Variants in SPPL3 observed in about 807,000 individuals in gnomAD.
SPPL3 encodes signal peptide peptidase-like 3.
Under a neutral mutation model 42.4 loss-of-function variants are expected in SPPL3, and 5 were observed. The ratio of observed to expected loss-of-function variants is 0.12; its 90% CI spans 0.06 to 0.25. The LOEUF is 0.25. Among genes scored for constraint, SPPL3 ranks in the 10% least tolerant of loss-of-function variants. The pLI, the probability that SPPL3 is intolerant of heterozygous loss-of-function variation, is 1.00. For synonymous variants in SPPL3, 195 were observed against 181.8 expected, an observed-to-expected ratio of 1.07 and a Z score of -0.58; for missense variants, 235 against 489.0, an observed-to-expected ratio of 0.48 and a Z score of 4.90.
At chr12:120,810,949 C>A in intron 1 of SPPL3, 63 bp from the exon 2 acceptor site, 1 of 1,228,564 alleles carries the variant, frequency 8.1e-7, no homozygotes, top group Non-Finnish European at 1.2e-6. Flanking sequence ...AGCTTACAGT[C>A]TAATGGAGTT....
chr12:120,853,076 T>C (rs1016879414), intron 1 of SPPL3, among the ~76,000 whole-genome samples: 15 of 151,512 alleles, frequency 9.9e-5, no homozygotes, highest in African/African-American at 3.4e-4. Flanking sequence ...TTTGTATTTT[T>C]AGTGGAGACA....
In SPPL3 at chr12:120,852,760, C is replaced by CACA. The variant is rs1555252649; in HGVS notation, c.24-41875_24-41874insTGT. 2.1e-3 allele frequency among the ~76,000 whole-genome samples: 106 copies of CACA among 51,120 alleles called. 5 individuals carry two copies. The highest frequency in any genetic ancestry group is 4.3e-3 in the Admixed American group (20 of 4,616). The allele number at this position is 51,120 out of a possible 152,430, so 33.5% of individuals were successfully genotyped here. On this transcript the variant is annotated intron_variant, in intron 1 of 10. Coordinates refer to ENST00000353487, the MANE Select transcript of SPPL3 (RefSeq NM_139015.5). ...ATATAATATATTTCATATATTATATCTATGTATATTATATATAAAATATAT... is the reference window on the plus strand; with the variant it reads ...ATATAATATATTTCATATATTATATCACATATGTATATTATATATAAAATATAT...
chr12:120,823,175 CA>C (rs1397105791), intron 1 of SPPL3, among the ~76,000 whole-genome samples: 11 of 124,768 alleles, frequency 8.8e-5, no homozygotes, highest in South Asian at 7.3e-4. Flanking sequence ...CATATTCCCA[CA>C]AAGGTGTCTG....
chr12:120,889,655 A>C (rs553945994), intron 1 of SPPL3, among the ~76,000 whole-genome samples: 12 of 152,216 alleles, frequency 7.9e-5, no homozygotes, highest in Admixed American at 7.9e-4. Context: ...CTGTAGATTC[A>C]TAAGTATATT....
intron 1 of SPPL3, among the ~76,000 whole-genome samples, chr12:120,821,323 T>C (rs369305392): frequency 6.6e-6 from 1 of 152,240 alleles, no homozygotes; most frequent in African/African-American, 2.4e-5. Context: ...TTCCAAAGCA[T>C]GCGCTTTTGA....
chr12:120,779,713 G>A (rs796631185), intron 6 of SPPL3, among the ~76,000 whole-genome samples: 8 of 150,634 alleles, frequency 5.3e-5, no homozygotes, highest in South Asian at 2.1e-4. Flanking sequence ...GTGGGCTCAC[G>A]CCTGTAATCC....
intron 1 of SPPL3, among the ~76,000 whole-genome samples, chr12:120,888,695 T>C (rs1873540528): frequency 6.6e-6 from 1 of 152,170 alleles, no homozygotes; most frequent in African/African-American, 2.4e-5. Flanking sequence ...TCTTTTGGGA[T>C]GAAGAAAATG....
chr12:120,797,853 T>C (rs1200184905), intron 2 of SPPL3, among the ~76,000 whole-genome samples: 1 of 152,176 alleles, frequency 6.6e-6, no homozygotes, highest in African/African-American at 2.4e-5. Context: ...CAAAATTTCT[T>C]ACTGGATTTG....
chr12:120,783,166 G>A (rs1439272939), intron 5 of SPPL3, among the ~76,000 whole-genome samples: 1 of 152,066 alleles, frequency 6.6e-6, no homozygotes, highest in Non-Finnish European at 1.5e-5. Flanking sequence ...TAATTCCTGC[G>A]AGCATCAGCT....
At chr12:120,814,129 A>T (rs985562599) in intron 1 of SPPL3, among the ~76,000 whole-genome samples, 2 of 152,254 alleles carry the variant, frequency 1.3e-5, no homozygotes, top group African/African-American at 4.8e-5. Context: ...TGAAGCTGGA[A>T]TGATAGGTAT....
intron 1 of SPPL3, 119 bp downstream of exon 1, chr12:120,903,726 A>ACCCCCCCCCCCCCCC: frequency 5.9e-6 from 3 of 509,668 alleles, no homozygotes; most frequent in Non-Finnish European, 9.1e-6. Flanking sequence ...GTGCACCCCA[A>ACCCCCCCCCCCCCCC]CCCGCGCCCC....
At chr12:120,774,510 C>T (rs1438837411) in intron 6 of SPPL3, among the ~76,000 whole-genome samples, 6 of 152,148 alleles carry the variant, frequency 3.9e-5, no homozygotes, top group Non-Finnish European at 8.8e-5. Context: ...TCTCCATCTG[C>T]GTTAAGCTGA....
At position 120,832,530 on chromosome 12, in the gene SPPL3, A is replaced by G. The variant is rs143735421; in HGVS notation, c.24-21644T>C. Among the ~76,000 whole-genome samples, 893 of 152,236 alleles carry G rather than the reference A, an allele frequency of 5.9e-3. 11 individuals are homozygous for G. Among genetic ancestry groups the G allele is most frequent in the African/African-American group, 0.019 (809 of 41,544 alleles). ...CTACTAAAAATGCAAAAAATTAGCC[A>G]GGTGTAGTGGCGCATGCCTGTAATC... is the stretch of plus-strand genomic sequence containing the variant. On this transcript the variant is annotated intron_variant, in intron 1 of 10. Transcript: ENST00000353487.
intron 1 of SPPL3, among the ~76,000 whole-genome samples, chr12:120,875,323 T>C (rs1277653967): frequency 2.0e-5 from 3 of 152,184 alleles, no homozygotes; most frequent in African/African-American, 7.2e-5. Flanking sequence ...GGTGAAATAG[T>C]ATAACATTAT....
In SPPL3 at chr12:120,814,951, T is replaced by C. The variant is rs77022704; in HGVS notation, c.24-4065A>G. Among the ~76,000 whole-genome samples, 1,026 of 152,332 alleles carry C rather than the reference T, an allele frequency of 6.7e-3. 11 individuals are homozygous for C. Among genetic ancestry groups the C allele is most frequent in the African/African-American group, 0.023 (971 of 41,556 alleles). On this transcript the variant is annotated intron_variant, in intron 1 of 10. Transcript: ENST00000353487. ...AATTTTCTTTTAAACATCAGCATGA[T>C]AGTCCATTGTGTAGATGCCCCACAG...
intron 1 of SPPL3, among the ~76,000 whole-genome samples, chr12:120,844,900 G>A (rs1443374772): frequency 6.6e-6 from 1 of 151,528 alleles, no homozygotes; most frequent in East Asian, 1.9e-4. Context: ...ATATTGCACA[G>A]GAGTAACAGA....
chr12:120,841,444 G>A (rs1301260210), intron 1 of SPPL3, among the ~76,000 whole-genome samples: 2 of 147,780 alleles, frequency 1.4e-5, no homozygotes, highest in African/African-American at 2.4e-5. Context: ...ATATATATAT[G>A]CACAAAACAT....
At position 120,879,995 on chromosome 12, in the gene SPPL3, C is replaced by A. The variant is rs79585645; in HGVS notation, c.23+23850G>T. 3.6e-3 allele frequency among the ~76,000 whole-genome samples: 509 copies of A among 143,308 alleles called. 3 individuals carry two copies. The highest frequency in any genetic ancestry group is 0.018 in the Middle Eastern group (5 of 282). 94.0% of individuals were successfully genotyped at this position (143,308 alleles called of 152,430 possible). On this transcript the variant is annotated intron_variant, in intron 1 of 10. Coordinates refer to ENST00000353487, the MANE Select transcript of SPPL3 (RefSeq NM_139015.5). ...CCTGCTTTTATCTTTTTTTTTTTTTCACTTTTCATTCCTCGGTTTAACAAT... is the reference window on the plus strand; with the variant it reads ...CCTGCTTTTATCTTTTTTTTTTTTTAACTTTTCATTCCTCGGTTTAACAAT...
intron 6 of SPPL3, among the ~76,000 whole-genome samples, chr12:120,774,784 T>C (rs1869251964): frequency 6.6e-6 from 1 of 152,088 alleles, no homozygotes; most frequent in Admixed American, 6.6e-5. Context: ...TTTTCAAGGC[T>C]AAAGTGAAGG....
Sources: allele counts gnomAD v4.1 joint callset (sites outside exome capture counted in the v4.1 genomes callset), GRCh38; gene constraint gnomAD v4.1.1; transcripts MANE v1.5; gene names NCBI Gene and HGNC (gene_info 2026-07-23, HGNC 2026-07-21).